Variants in L3MBTL4 observed in about 807,000 individuals in gnomAD.
L3MBTL4 encodes the protein L3MBTL histone methyl-lysine binding protein 4, also known as lethal(3)malignant brain tumor-like protein 4.
L3MBTL4 carries 70 observed loss-of-function variants against 84.5 expected under a neutral mutation model. The ratio of observed to expected loss-of-function variants is 0.83; its 90% CI spans 0.68 to 1.01. The LOEUF (loss-of-function observed/expected upper bound fraction) is 1.01, where lower values mean the gene tolerates loss of function less well. L3MBTL4 is among the 50% of genes least tolerant of loss of function. The pLI, the probability that L3MBTL4 is intolerant of heterozygous loss-of-function variation, is 0.00. For missense variants in L3MBTL4, 715 were observed against 754.8 expected, an observed-to-expected ratio of 0.95 and a Z score of 0.62; for synonymous variants, 274 against 259.8, an observed-to-expected ratio of 1.05 and a Z score of -0.52.
rs529170597 is a variant in L3MBTL4, at chr18:5,961,760, G to C, written c.1615-1604C>G. Reference sequence around the variant, plus strand: ...CAGTTCAGGCAGAGGAAGCCGAGCTGTTTGTTGGGCTAATACAGTTTTCTT... The same window carrying C: ...CAGTTCAGGCAGAGGAAGCCGAGCTCTTTGTTGGGCTAATACAGTTTTCTT... On this transcript the variant is annotated intron_variant, in intron 17 of 18. Coordinates refer to ENST00000317931, the MANE Select transcript of L3MBTL4 (RefSeq NM_001330559.2). 6.3e-3 allele frequency among the ~76,000 whole-genome samples: 952 copies of C among 150,174 alleles called. 11 individuals are homozygous for C. Among genetic ancestry groups the C allele is most frequent in the South Asian group, 0.011 (53 of 4,718 alleles).
intron 13 of L3MBTL4, among the ~76,000 whole-genome samples, chr18:6,169,208 G>A (rs1207055684): frequency 6.6e-6 from 1 of 152,186 alleles, no homozygotes; most frequent in South Asian, 2.1e-4. Flanking sequence ...TGGAGAAATG[G>A]GAACACTTTT....
intron 12 of L3MBTL4, among the ~76,000 whole-genome samples, chr18:6,204,310 A>G (rs1431572441): frequency 6.6e-6 from 1 of 152,194 alleles, no homozygotes; most frequent in Admixed American, 6.5e-5. Context: ...GAAGTTGGGA[A>G]TGAGTCTTTA....
intron 16 of L3MBTL4, among the ~76,000 whole-genome samples, chr18:6,051,831 G>A (rs1244486707): frequency 6.9e-6 from 1 of 145,066 alleles, no homozygotes; most frequent in African/African-American, 2.9e-5. Context: ...TCAGCATGGC[G>A]TTCACTACAC....
At chr18:6,084,725 G>A (rs1358528207) in intron 15 of L3MBTL4, among the ~76,000 whole-genome samples, 1 of 152,160 alleles carries the variant, frequency 6.6e-6, no homozygotes, top group Non-Finnish European at 1.5e-5. Flanking sequence ...ACCAAGAAAG[G>A]GCTACATCAG....
chr18:6,080,322 A>G (rs2058032561), intron 16 of L3MBTL4, among the ~76,000 whole-genome samples: 1 of 152,202 alleles, frequency 6.6e-6, no homozygotes, highest in African/African-American at 2.4e-5. Flanking sequence ...GAGAAAACTG[A>G]TTCCTTAGCT....
intron 1 of L3MBTL4, among the ~76,000 whole-genome samples, chr18:6,413,413 T>C (rs9303983): frequency 0.51 from 77,851 of 152,046 alleles, 20,528 homozygotes; most frequent in East Asian, 0.72. Context: ...ATCCAATCCC[T>C]TTGGATACTC....
intron 13 of L3MBTL4, among the ~76,000 whole-genome samples, chr18:6,159,261 G>A (rs1318339015): frequency 2.0e-5 from 3 of 152,150 alleles, no homozygotes; most frequent in African/African-American, 7.2e-5. Flanking sequence ...CCACTTTTCT[G>A]TTCAGAGACG....
intron 9 of L3MBTL4, among the ~76,000 whole-genome samples, chr18:6,238,903 A>G (rs909082895): frequency 6.6e-6 from 1 of 150,488 alleles, no homozygotes; most frequent in African/African-American, 2.5e-5. Context: ...CCTCTTGCAT[A>G]TTTCAGGTTT....
Position 6,051,884 on chromosome 18 carries a change from G to T in L3MBTL4, c.1444+28997C>A, listed in dbSNP as rs900759312. 4.6e-5 allele frequency among the ~76,000 whole-genome samples: 7 copies of T among 152,304 alleles called. No individual in the cohort carries two copies. In the South Asian group the frequency reaches 1.0e-3, roughly 23 times the overall value. ...GCTTGGCAGGATGAGTGTTAATAGT[G>T]GGGGAGAACTGAAAGTGGCCACTGT... On this transcript the variant is annotated intron_variant, in intron 16 of 18. Coordinates refer to ENST00000317931, the MANE Select transcript of L3MBTL4 (RefSeq NM_001330559.2).
chr18:6,202,156 T>C (rs1218314844), intron 12 of L3MBTL4, among the ~76,000 whole-genome samples: 1 of 152,218 alleles, frequency 6.6e-6, no homozygotes, highest in Non-Finnish European at 1.5e-5. Context: ...TGCACATCAC[T>C]TTCCATCTTC....
At chr18:5,986,467 A>G (rs1042361430) in intron 16 of L3MBTL4, among the ~76,000 whole-genome samples, 3 of 152,262 alleles carry the variant, frequency 2.0e-5, no homozygotes, top group Admixed American at 6.5e-5. Context: ...GCAACATCAT[A>G]TGATGAGGTC....
At chr18:6,406,652 C>A (rs900981744) in intron 1 of L3MBTL4, among the ~76,000 whole-genome samples, 4 of 152,042 alleles carry the variant, frequency 2.6e-5, no homozygotes, top group Non-Finnish European at 5.9e-5. Context: ...ACAGACATCT[C>A]GTGAGGTGAG....
chr18:6,375,623 C>T (rs1450532107), intron 1 of L3MBTL4, among the ~76,000 whole-genome samples: 1 of 152,174 alleles, frequency 6.6e-6, no homozygotes, highest in Non-Finnish European at 1.5e-5. Context: ...CTCTTTGTCA[C>T]TGTATCTCCA....
chr18:6,076,576 T>C (rs983331309), intron 16 of L3MBTL4, among the ~76,000 whole-genome samples: 1 of 152,080 alleles, frequency 6.6e-6, no homozygotes, highest in Non-Finnish European at 1.5e-5. Flanking sequence ...ACCCGGAAGA[T>C]GTATATGTAC....
intron 5 of L3MBTL4, among the ~76,000 whole-genome samples, chr18:6,247,470 T>TTTTTTTTTTTTTTTTTTTTTTTTTTG (rs2047722291): frequency 8.5e-6 from 1 of 118,262 alleles, no homozygotes. Flanking sequence ...CCTCTGATTT[T>TTTTTTTTTTTTTTTTTTTTTTTTTTG]TTTTTTTTTT....
intron 16 of L3MBTL4, among the ~76,000 whole-genome samples, chr18:6,074,418 C>A (rs113197082): frequency 1.2e-3 from 189 of 152,330 alleles, no homozygotes; most frequent in Non-Finnish European, 1.9e-3. Context: ...CAACTATATA[C>A]TTGGCTGTCA....
At chr18:6,239,293 ATCC>A in intron 9 of L3MBTL4, among the ~76,000 whole-genome samples, 2 of 148,344 alleles carry the variant, frequency 1.3e-5, no homozygotes, top group African/African-American at 5.0e-5. Context: ...GTGAGCCGAG[ATCC>A]CGCCACTGCA....
At chr18:5,978,684 A>C (rs1420095626) in intron 16 of L3MBTL4, among the ~76,000 whole-genome samples, 1 of 152,168 alleles carries the variant, frequency 6.6e-6, no homozygotes, top group Non-Finnish European at 1.5e-5. Flanking sequence ...TCCCTTATAC[A>C]TCTGTGAGTA....
intron 13 of L3MBTL4, 50 bp downstream of exon 13, chr18:6,171,778 G>T: frequency 9.0e-7 from 1 of 1,110,158 alleles, no homozygotes; most frequent in Non-Finnish European, 1.3e-6. Flanking sequence ...ATTACGGCTG[G>T]AAATCAGGCC....
Sources: allele counts gnomAD v4.1 joint callset (sites outside exome capture counted in the v4.1 genomes callset), GRCh38; gene constraint gnomAD v4.1.1; transcripts MANE v1.5; gene names NCBI Gene and HGNC (gene_info 2026-07-23, HGNC 2026-07-21).